Variants in ZNF354B observed in about 807,000 individuals in gnomAD.
ZNF354B encodes zinc finger protein 354B.
A neutral mutation model predicts 12.9 loss-of-function variants in ZNF354B; 10 were observed. That is an observed-to-expected ratio of 0.77 (90% CI 0.48 to 1.31). ZNF354B has a LOEUF of 1.31. Ranked by LOEUF, ZNF354B falls within the 40% of genes most tolerant of loss-of-function variation. ZNF354B has a pLI of 0.00. For missense variants in ZNF354B, 614 were observed against 711.7 expected, an observed-to-expected ratio of 0.86 and a Z score of 1.56; for synonymous variants, 260 against 243.7, an observed-to-expected ratio of 1.07 and a Z score of -0.62.
intron 3 of ZNF354B, 64 bp downstream of exon 3, chr5:178,866,434 T>A (rs760037868): frequency 6.0e-5 from 94 of 1,556,892 alleles, no homozygotes; most frequent in Non-Finnish European, 7.3e-5. Flanking sequence ...CCTCCTTCCC[T>A]GAATAAAAGC....
intron 4 of ZNF354B, among the ~76,000 whole-genome samples, chr5:178,868,916 G>T (rs182786808): frequency 1.5e-3 from 231 of 150,858 alleles, no homozygotes; most frequent in African/African-American, 5.3e-3. Flanking sequence ...AACTTGCAGC[G>T]AGCCGAGATC....
Position 178,882,861 on chromosome 5 carries a change from A to AAAAATG in ZNF354B, c.415_420dup (p.Glu139_Asn140dup). The AAAAATG allele has an allele frequency of 6.2e-7, 1 of 1,604,952 alleles. No individual in the cohort carries two copies. Among genetic ancestry groups the AAAAATG allele is most frequent in the Non-Finnish European group, 8.5e-7 (1 of 1,177,972 alleles). On this transcript the variant is annotated inframe_insertion, in exon 5 of 5. Transcript: ENST00000322434. ...AGAGAAATTAAAGAAACAGCAGGAC[A>AAAAATG]AAAATGAAAATTTACAAATAATTTC...
chr5:178,883,591 A>G lies in ZNF354B; in HGVS notation c.1139A>G (p.Lys380Arg), dbSNP rs754804132. Residue 380 changes from lysine to arginine, a missense_variant, in exon 5 of 5, where the codon AAG (lysine) becomes AGG (arginine). Physicochemically the swap from Lys to Arg is conservative, Grantham distance 26. Coordinates refer to ENST00000322434, the MANE Select transcript of ZNF354B (RefSeq NM_058230.3). ...RYHQRIHTGEKPFKCSECGRA... is the reference protein window; with the variant it reads ...RYHQRIHTGERPFKCSECGRA... ...CATCAGAGAATTCACACTGGAGAGA[A>G]GCCTTTTAAATGTAGTGAATGTGGG... 2 of 1,613,822 alleles carry G rather than the reference A, an allele frequency of 1.2e-6. No individual in the cohort carries two copies. Among genetic ancestry groups the G allele is most frequent in the South Asian group, 2.2e-5 (2 of 91,080 alleles).
Position 178,884,277 on chromosome 5 carries a change from G to C in ZNF354B, c.1825G>C (p.Asp609His), listed in dbSNP as rs559023412. 1 of 1,584,336 alleles carries C rather than the reference G, an allele frequency of 6.3e-7. No homozygotes were observed. Among genetic ancestry groups the C allele is most frequent in the Non-Finnish European group, 8.6e-7 (1 of 1,166,816 alleles). Residue 609 changes from aspartate to histidine, a missense_variant, in exon 5 of 5, where the codon GAT becomes CAT. Transcript: ENST00000322434. ...CATTGAAGAGGACTCCTTAAAAGCC[G>C]ATTTGCATGTGTGAAAGCCTTAAAC... ...IHIEEDSLKA[D>H]LHV
At position 178,866,292 on chromosome 5, in the gene ZNF354B, T is replaced by G. The variant is rs1757452897; in HGVS notation, c.82T>G (p.Trp28Gly). 2 of 1,614,058 alleles carry G rather than the reference T, an allele frequency of 1.2e-6. No homozygotes were observed. Among genetic ancestry groups the G allele is most frequent in the African/African-American group, 2.7e-5 (2 of 75,018 alleles). Residue 28 changes from tryptophan (W) to glycine (G), a missense_variant, in exon 3 of 5, where the codon TGG (tryptophan) becomes GGG (glycine). Coordinates refer to ENST00000322434, the MANE Select transcript of ZNF354B (RefSeq NM_058230.3). ...GGCTGTGCTCTTTACCTGGGATGAG[T>G]GGAGAAAGCTGGCTCCTTCTCAGAG... Reference protein sequence around the residue: ...DVAVLFTWDEWRKLAPSQRNL... With the variant: ...DVAVLFTWDEGRKLAPSQRNL...
At chr5:178,870,500 G>T (rs78286803) in intron 4 of ZNF354B, among the ~76,000 whole-genome samples, 1 of 152,020 alleles carries the variant, frequency 6.6e-6, no homozygotes, top group Non-Finnish European at 1.5e-5. Flanking sequence ...GGCTGGTCTC[G>T]AACTTCTGAC....
chr5:178,877,689 CT>C (rs1757658193), intron 4 of ZNF354B, among the ~76,000 whole-genome samples: 1 of 152,234 alleles, frequency 6.6e-6, no homozygotes, highest in African/African-American at 2.4e-5. Context: ...TTTATTGCCA[CT>C]TTGGCCACCA....
At chr5:178,870,082 T>G (rs529162687) in intron 4 of ZNF354B, among the ~76,000 whole-genome samples, 28 of 111,136 alleles carry the variant, frequency 2.5e-4, no homozygotes, top group Admixed American at 8.9e-4. Context: ...GAGGCCAAGG[T>G]GGGAGGATCA....
intron 2 of ZNF354B, among the ~76,000 whole-genome samples, chr5:178,865,267 GA>G (rs1482058947): frequency 6.8e-6 from 1 of 146,550 alleles, no homozygotes; most frequent in Non-Finnish European, 1.5e-5. Flanking sequence ...GACTTTAGAC[GA>G]ATTTTTTTTT....
intron 4 of ZNF354B, among the ~76,000 whole-genome samples, chr5:178,874,386 T>C (rs535580390): frequency 6.6e-6 from 1 of 152,368 alleles, no homozygotes; most frequent in East Asian, 1.9e-4. Flanking sequence ...CAATGAGTCG[T>C]AGATTTTGTC....
chr5:178,866,250 C>T lies in ZNF354B; in HGVS notation c.40C>T (p.Leu14=). 6.2e-7 allele frequency: 1 copy of T among 1,614,036 alleles called. No homozygotes were observed. Among genetic ancestry groups the T allele is most frequent in the South Asian group, 1.1e-5 (1 of 91,064 alleles). Residue 14 remains leucine, a synonymous_variant, in exon 3 of 5, where the codon CTG becomes TTG. Transcript: ENST00000322434. ...GQREARPQVS[L]TFEDVAVLFT... ...GAACGACTTGTCCTTACAGGTGTCA[C>T]TGACATTCGAGGACGTGGCTGTGCT...
rs199660215 is a variant in ZNF354B at position 178,874,520 on chromosome 5, G to C, written c.256+7449G>C. ...TTTGAGCTCTGAGATTTTTTCCTCA[G>C]CTTGGTCTGTTCTGCATTTCAGTTG... is the stretch of plus-strand genomic sequence containing the variant. On this transcript the variant is annotated intron_variant, in intron 4 of 4. Coordinates refer to ENST00000322434, the MANE Select transcript of ZNF354B (RefSeq NM_058230.3). 3.9e-5 allele frequency among the ~76,000 whole-genome samples: 6 copies of C among 152,274 alleles called. No individual in the cohort carries two copies. The East Asian group carries it at 1.2e-3, about 29-fold the overall frequency.
At chr5:178,867,222 T>A in intron 4 of ZNF354B, 151 bp downstream of exon 4, 2 of 742,280 alleles carry the variant, frequency 2.7e-6, no homozygotes, top group East Asian at 2.5e-5. Flanking sequence ...TTAGGCAGGA[T>A]TAGTCACTTG....
At chr5:178,863,264 A>T (rs1166816734) in intron 2 of ZNF354B, among the ~76,000 whole-genome samples, 2 of 152,178 alleles carry the variant, frequency 1.3e-5, no homozygotes, top group Admixed American at 6.5e-5. Flanking sequence ...GTGTGTATAT[A>T]TATGTATGTT....
At chr5:178,871,100 A>C (rs78422361) in intron 4 of ZNF354B, among the ~76,000 whole-genome samples, 22,134 of 152,152 alleles carry the variant, frequency 0.15, 1,947 homozygotes, top group African/African-American at 0.24. Flanking sequence ...AGAGTAAATC[A>C]ACCATATTGC....
At position 178,883,276 on chromosome 5, in the gene ZNF354B, G is replaced by T. The variant is rs150967400; in HGVS notation, c.824G>T (p.Cys275Phe). ...TGEKPYICKE[C>F]GKAFSHSASL... The stretch of plus-strand genomic sequence containing the variant: ...GAGAAACCCTATATATGTAAAGAAT[G>T]TGGGAAAGCCTTCAGCCATAGTGCA... The change falls in exon 5 of 5, where the codon TGT becomes TTT. Residue 275 changes from cysteine (C) to phenylalanine (F), a missense_variant. Transcript: ENST00000322434. The T allele has an allele frequency of 6.2e-7, 1 of 1,613,288 alleles. No individual in the cohort carries two copies. Among genetic ancestry groups the T allele is most frequent in the Non-Finnish European group, 8.5e-7 (1 of 1,179,844 alleles).
chr5:178,868,984 A>C (rs1757511193), intron 4 of ZNF354B, among the ~76,000 whole-genome samples: 3 of 151,996 alleles, frequency 2.0e-5, no homozygotes. Context: ...AAAAAAAAAA[A>C]AAAGAATGGT....
chr5:178,881,753 C>T (rs950249774), intron 4 of ZNF354B, among the ~76,000 whole-genome samples: 8 of 152,140 alleles, frequency 5.3e-5, no homozygotes, highest in Non-Finnish European at 7.3e-5. Flanking sequence ...AAGCAATTCT[C>T]CTGCCTCTGC....
chr5:178,881,404 A>G lies in ZNF354B; in HGVS notation c.257-1305A>G, dbSNP rs1757716213. Among the ~76,000 whole-genome samples the G allele has an allele frequency of 2.0e-5, 3 of 152,278 alleles. No homozygotes were observed. In the South Asian group the frequency reaches 6.2e-4, roughly 32 times the overall value. The stretch of plus-strand genomic sequence containing the variant: ...CTGAGGTTGAGAAATCCTTATCTGT[A>G]TCTTGTCTTAATGCACTGACATTTG... On this transcript the variant is annotated intron_variant, in intron 4 of 4. Transcript: ENST00000322434.
Sources: allele counts gnomAD v4.1 joint callset (sites outside exome capture counted in the v4.1 genomes callset), GRCh38; gene constraint gnomAD v4.1.1; transcripts MANE v1.5; gene names NCBI Gene and HGNC (gene_info 2026-07-23, HGNC 2026-07-21).